Variants in METTL6 observed in about 807,000 individuals in gnomAD.
The protein encoded by METTL6 is tRNA N(3)-cytidine methyltransferase METTL6.
In METTL6, 22 loss-of-function variants were observed where a neutral mutation model predicts 26.4. That is an observed-to-expected ratio of 0.83 (90% CI 0.59 to 1.19). METTL6 has a LOEUF of 1.19. Among genes scored for constraint, METTL6 ranks in the 50% most tolerant of loss-of-function variants. The probability of loss-of-function intolerance (pLI) is 0.00; values close to 1 mark genes in which losing one functional copy is unlikely to be tolerated. For missense variants in METTL6, 304 were observed against 324.8 expected (o/e 0.94, Z 0.49); for synonymous variants, 109 against 116.2 (o/e 0.94, Z 0.40).
chr3:15,413,565 CTG>C, intron 5 of METTL6: 1 of 1,023,404 alleles, frequency 9.8e-7, no homozygotes, highest in Middle Eastern at 4.4e-4. Flanking sequence ...GAATTAGACT[CTG>C]TCTCAAAAAC....
chr3:15,395,257 C>T (rs1448303756), intron 6 of METTL6, among the ~76,000 whole-genome samples: 1 of 152,124 alleles, frequency 6.6e-6, no homozygotes, highest in East Asian at 1.9e-4. Context: ...TATGTAATGG[C>T]CTTCTTTGTC....
In METTL6 at chr3:15,410,695, T is replaced by C. The variant is rs981353932; in HGVS notation, c.*561A>G. On this transcript the variant is annotated 3_prime_UTR_variant, in exon 6 of 6. Transcript: ENST00000383790. ...GAAACCATGGATAAAGCGGGACTACTGTACATGCTCATTAAAAAAAATTAA... is the reference window on the plus strand; with the variant it reads ...GAAACCATGGATAAAGCGGGACTACCGTACATGCTCATTAAAAAAAATTAA... Among the ~76,000 whole-genome samples the C allele has an allele frequency of 3.9e-5, 6 of 151,984 alleles. No homozygotes were observed. Among genetic ancestry groups the C allele is most frequent in the African/African-American group, 1.4e-4 (6 of 41,380 alleles).
At chr3:15,405,392 A>G (rs917785716), downstream of METTL6, among the ~76,000 whole-genome samples, 22 of 152,240 alleles carry the variant, frequency 1.4e-4, no homozygotes, top group South Asian at 8.3e-4. Context: ...TTATGAGCTC[A>G]TAAGTTGATC....
At chr3:15,386,980 TG>T in intron 6 of METTL6, among the ~76,000 whole-genome samples, 1 of 151,866 alleles carries the variant, frequency 6.6e-6, no homozygotes, top group Non-Finnish European at 1.5e-5. Context: ...TTAGCAGAGA[TG>T]GGGGGTGGTT....
At chr3:15,415,356 T>C (rs1700153577) in intron 4 of METTL6, 1 of 725,376 alleles carries the variant, frequency 1.4e-6, no homozygotes, top group Admixed American at 2.5e-5. Context: ...AAGGTCTTGC[T>C]ATGTTGGCCA....
downstream of METTL6, among the ~76,000 whole-genome samples, chr3:15,409,498 T>G (rs1186438200): frequency 6.6e-6 from 1 of 152,250 alleles, no homozygotes; most frequent in East Asian, 1.9e-4. Flanking sequence ...CTACGTGATT[T>G]TGGACTCATC....
downstream of METTL6, among the ~76,000 whole-genome samples, chr3:15,408,282 C>T (rs1250286436): frequency 6.6e-6 from 1 of 152,110 alleles, no homozygotes; most frequent in African/African-American, 2.4e-5. Flanking sequence ...GGTATGTTCA[C>T]TCTGTGATGT....
chr3:15,415,455 C>A (rs771038772), intron 4 of METTL6: 8 of 1,540,218 alleles, frequency 5.2e-6, no homozygotes, highest in Non-Finnish European at 2.6e-6. Context: ...CCACACCTGG[C>A]CAAACTGTGT....
chr3:15,427,413 C>T lies in METTL6; in HGVS notation c.-136G>A. On this transcript the variant is annotated 5_prime_UTR_variant, in exon 1 of 6. Coordinates refer to ENST00000383790, the MANE Select transcript of METTL6 (RefSeq NM_152396.4). ...CCAGGCGCACTCACCCCACAGCCAGCCCCACTGGGCCTCGGAGGCAGAATA... is the reference window on the plus strand; with the variant it reads ...CCAGGCGCACTCACCCCACAGCCAGTCCCACTGGGCCTCGGAGGCAGAATA... The T allele has an allele frequency of 3.3e-6, 1 of 301,670 alleles. No individual in the cohort carries two copies. The allele number at this position is 301,670 out of a possible 1,614,324, so 18.7% of individuals were successfully genotyped here. A position where few individuals can be genotyped will look rare whatever the true frequency, so the allele number is the denominator to read the frequency against.
intron 4 of METTL6, chr3:15,415,412 A>G (rs1700157654): frequency 1.6e-5 from 21 of 1,327,568 alleles, no homozygotes; most frequent in Non-Finnish European, 2.1e-5. Context: ...CTGCCTTGGC[A>G]TCCCAAAGTG....
intron 6 of METTL6, among the ~76,000 whole-genome samples, chr3:15,398,255 G>A (rs1454253096): frequency 7.9e-5 from 12 of 151,914 alleles, no homozygotes; most frequent in African/African-American, 2.9e-4. Flanking sequence ...GTGCAGTGGA[G>A]TGATCTTGGC....
intron 4 of METTL6, among the ~76,000 whole-genome samples, chr3:15,415,335 T>G (rs1419091092): frequency 6.6e-6 from 1 of 152,210 alleles, no homozygotes; most frequent in Non-Finnish European, 1.5e-5. Context: ...ATACATTAGC[T>G]TTTTTTAGAC....
intron 6 of METTL6, among the ~76,000 whole-genome samples, chr3:15,388,990 G>A (rs1244592168): frequency 2.0e-5 from 3 of 152,016 alleles, no homozygotes; most frequent in East Asian, 3.8e-4. Context: ...CTCCTAAGTA[G>A]CTGTGACTAT....
At position 15,415,898 on chromosome 3, in the gene METTL6, A is replaced by T. The variant is rs1386685824; in HGVS notation, c.405T>A (p.Cys135Ter). The T allele has an allele frequency of 6.2e-7, 1 of 1,613,904 alleles. No individual in the cohort carries two copies. Among genetic ancestry groups the T allele is most frequent in the Non-Finnish European group, 8.5e-7 (1 of 1,179,988 alleles). The change falls in exon 4 of 6, where the codon TGT becomes TGA. Residue 135 changes from cysteine to a stop codon, truncating the protein, a stop_gained. Coordinates refer to ENST00000383790, the MANE Select transcript of METTL6 (RefSeq NM_152396.4). LOFTEE classifies it high-confidence loss of function. ...CCAGAAGATCATCTTTAGTCAGATC[A>T]CACTGGAATACCTTGCATCTTTCTG... Reference protein sequence around the residue: ...YDTERCKVFQCDLTKDDLLDH... With the variant: ...YDTERCKVFQ
intron 6 of METTL6, among the ~76,000 whole-genome samples, chr3:15,398,041 C>T (rs561873906): frequency 3.3e-4 from 50 of 152,208 alleles, no homozygotes; most frequent in African/African-American, 1.2e-3. Context: ...CGGCAGCAAG[C>T]ACCCACTGTC....
At chr3:15,414,939 T>C in intron 4 of METTL6, 11 of 1,137,896 alleles carry the variant, frequency 9.7e-6, no homozygotes, top group Non-Finnish European at 1.2e-5. Context: ...AATAAATAAG[T>C]GTTAGAGACA....
At chr3:15,420,765 T>C (rs974506230) in intron 3 of METTL6, among the ~76,000 whole-genome samples, 1 of 152,202 alleles carries the variant, frequency 6.6e-6, no homozygotes, top group African/African-American at 2.4e-5. Context: ...ACATTTTGTG[T>C]TCAAATTCAT....
chr3:15,414,265 A>G, intron 4 of METTL6, 103 bp from the exon 5 acceptor site: 1 of 1,497,454 alleles, frequency 6.7e-7, no homozygotes, highest in Non-Finnish European at 8.8e-7. Flanking sequence ...TACTAAGGGG[A>G]CAGACTGAAA....
chr3:15,405,488 C>T (rs1041593680), downstream of METTL6, among the ~76,000 whole-genome samples: 5 of 152,134 alleles, frequency 3.3e-5, no homozygotes, highest in Non-Finnish European at 7.4e-5. Context: ...TGGGATTGAT[C>T]TTATGAGCTT....
Sources: allele counts gnomAD v4.1 joint callset (sites outside exome capture counted in the v4.1 genomes callset), GRCh38; gene constraint gnomAD v4.1.1; transcripts MANE v1.5; gene names NCBI Gene and HGNC (gene_info 2026-07-23, HGNC 2026-07-21).